The following ZNF483 variants were observed in gnomAD, a reference collection of about 807,000 sequenced individuals.
ZNF483 encodes the protein zinc finger protein 483.
Under a neutral mutation model 28.6 loss-of-function variants are expected in ZNF483, and 9 were observed. The ratio of observed to expected loss-of-function variants is 0.32; its 90% CI spans 0.19 to 0.55. The LOEUF (loss-of-function observed/expected upper bound fraction) is 0.55, where lower values mean the gene tolerates loss of function less well. ZNF483 is among the 20% of genes least tolerant of loss of function. The pLI is 0.93. For synonymous variants in ZNF483, 322 were observed against 306.2 expected (o/e 1.05, Z -0.54); for missense variants, 675 against 871.7 (o/e 0.77, Z 2.84).
chr9:111,552,447 A>G lies in ZNF483; in HGVS notation c.*9277A>G, dbSNP rs1239404310. ...ATGTATCATGCAATAGAATAGAGCA[A>G]TGAGGGAAAAGTTATCCTCTTGCTT... On this transcript the variant is annotated 3_prime_UTR_variant, in exon 6 of 6. Transcript: ENST00000309235. 2.0e-5 allele frequency among the ~76,000 whole-genome samples: 3 copies of G among 152,246 alleles called. No individual in the cohort carries two copies. The highest frequency in any genetic ancestry group is 7.2e-5 in the African/African-American group (3 of 41,474).
chr9:111,561,108 T>TAG (rs1468727296), intron 5 of ZNF483, among the ~76,000 whole-genome samples: 533 of 20,846 alleles, frequency 0.026, 75 homozygotes, highest in East Asian at 0.058. Context: ...TATATATATA[T>TAG]ATAGAGAGAG....
chr9:111,547,667 T>C lies in ZNF483; in HGVS notation c.*4497T>C, dbSNP rs943513432. On this transcript the variant is annotated 3_prime_UTR_variant, in exon 6 of 6. Coordinates refer to ENST00000309235, the MANE Select transcript of ZNF483 (RefSeq NM_133464.5). ...TTTTGGTGAAGTTTAATTTTTCTAT[T>C]TTTTCTTTTGTTTCCTGTGCTTTTC... Among the ~76,000 whole-genome samples the C allele has an allele frequency of 6.6e-6, 1 of 152,178 alleles. No homozygotes were observed. The highest frequency in any genetic ancestry group is 1.5e-5 in the Non-Finnish European group (1 of 68,014).
At position 111,543,356 on chromosome 9, in the gene ZNF483, G is replaced by A; in HGVS notation, c.*186G>A. ...GGCAACGACTGGTAAACAGTAATTA[G>A]TTGGTAAAGTCACTGGAAAGGGAAG... On this transcript the variant is annotated 3_prime_UTR_variant, in exon 6 of 6. Coordinates refer to ENST00000309235, the MANE Select transcript of ZNF483 (RefSeq NM_133464.5). The A allele has an allele frequency of 1.5e-6, 2 of 1,356,150 alleles. No individual in the cohort carries two copies. The highest frequency in any genetic ancestry group is 1.9e-6 in the Non-Finnish European group (2 of 1,058,962). 84.0% of individuals were successfully genotyped at this position (1,356,150 alleles called of 1,614,324 possible). A position where few individuals can be genotyped will look rare whatever the true frequency, so the allele number is the denominator to read the frequency against.
In ZNF483 at chr9:111,547,884, T is replaced by C. The variant is rs1827841736; in HGVS notation, c.*4714T>C. On this transcript the variant is annotated 3_prime_UTR_variant, in exon 6 of 6. Transcript: ENST00000309235. Reference sequence around the variant, plus strand: ...CCAGCCCCATCTGTTGAAGAGACTATCCTTTCCACATCATGTATTCTTTGC... The same window carrying C: ...CCAGCCCCATCTGTTGAAGAGACTACCCTTTCCACATCATGTATTCTTTGC... Among the ~76,000 whole-genome samples, 1 of 152,214 alleles carries C rather than the reference T, an allele frequency of 6.6e-6. No homozygotes were observed. Among genetic ancestry groups the C allele is most frequent in the African/African-American group, 2.4e-5 (1 of 41,466 alleles).
chr9:111,575,019 G>A (rs989965376), intron 5 of ZNF483, among the ~76,000 whole-genome samples: 2 of 152,154 alleles, frequency 1.3e-5, no homozygotes, highest in African/African-American at 2.4e-5. Context: ...AGGCATTTTC[G>A]GCCGGGCACG....
intron 5 of ZNF483, chr9:111,576,275 A>G: frequency 7.4e-7 from 1 of 1,350,826 alleles, no homozygotes; most frequent in Admixed American, 1.8e-5. Flanking sequence ...TTATTAGTGG[A>G]TTTCATATTT....
chr9:111,576,870 C>G (rs1455776696), exon 6 of ZNF483: 1 of 152,868 alleles, frequency 6.5e-6, no homozygotes, highest in African/African-American at 2.4e-5. Context: ...GCAGGTGGAT[C>G]ACCTGAGGTC....
At chr9:111,537,892 G>C (rs1026928047) in intron 5 of ZNF483, among the ~76,000 whole-genome samples, 1 of 152,158 alleles carries the variant, frequency 6.6e-6, no homozygotes, top group African/African-American at 2.4e-5. Context: ...CTCCCAAAGT[G>C]GTGGGATTAT....
intron 2 of ZNF483, among the ~76,000 whole-genome samples, chr9:111,530,269 T>A (rs2132219956): frequency 6.6e-6 from 1 of 152,296 alleles, no homozygotes; most frequent in African/African-American, 2.4e-5. Flanking sequence ...ACGTGGCAGT[T>A]CCTGGAGAGC....
At chr9:111,560,682 G>A (rs963876869) in intron 5 of ZNF483, among the ~76,000 whole-genome samples, 19 of 142,020 alleles carry the variant, frequency 1.3e-4, no homozygotes, top group Non-Finnish European at 2.0e-4. Context: ...GGTGGTTCAC[G>A]CGTGTAATCC....
exon 6 of ZNF483, chr9:111,576,884 A>G (rs1167360241): frequency 6.5e-6 from 1 of 152,748 alleles, no homozygotes; most frequent in Non-Finnish European, 1.5e-5. Context: ...TGAGGTCAGG[A>G]GTTCGAGACC....
Position 111,554,578 on chromosome 9 carries a change from G to A in ZNF483, c.*11408G>A, listed in dbSNP as rs1589284455. On this transcript the variant is annotated 3_prime_UTR_variant, in exon 6 of 6. Transcript: ENST00000309235. ...TGTATGTTCTATGTTTTGTCAGTCTGATAACCCAAGAAGGCTACTAAGTGA... is the reference window on the plus strand; with the variant it reads ...TGTATGTTCTATGTTTTGTCAGTCTAATAACCCAAGAAGGCTACTAAGTGA... 6.6e-6 allele frequency among the ~76,000 whole-genome samples: 1 copy of A among 152,182 alleles called. No individual in the cohort carries two copies. The highest frequency in any genetic ancestry group is 1.9e-4 in the East Asian group (1 of 5,196).
At chr9:111,538,877 C>T (rs547088476) in intron 5 of ZNF483, among the ~76,000 whole-genome samples, 2 of 152,036 alleles carry the variant, frequency 1.3e-5, no homozygotes, top group East Asian at 1.9e-4. Context: ...TTTGGGAAGC[C>T]GAGGCAGGTG....
In ZNF483 at chr9:111,551,414, T is replaced by G. The variant is rs10980936; in HGVS notation, c.*8244T>G. On this transcript the variant is annotated 3_prime_UTR_variant, in exon 6 of 6. Transcript: ENST00000309235. ...ATCCAGTTTTTGTTTTTTTTTTTTT[T>G]TTTTTTTTTTTGAGATGGAGTCTCA... Among the ~76,000 whole-genome samples, 121 of 141,824 alleles carry G rather than the reference T, an allele frequency of 8.5e-4. 4 individuals are homozygous for G. The East Asian group carries it at 0.021, about 25-fold the overall frequency. The allele number at this position is 141,824 out of a possible 152,430, so 93.0% of individuals were successfully genotyped here. A position where few individuals can be genotyped will look rare whatever the true frequency, so the allele number is the denominator to read the frequency against.
At chr9:111,537,907 G>A (rs1327193361) in intron 5 of ZNF483, among the ~76,000 whole-genome samples, 3 of 152,178 alleles carry the variant, frequency 2.0e-5, no homozygotes, top group South Asian at 2.1e-4. Context: ...GATTATGGGG[G>A]TGAGCCAGTG....
intron 2 of ZNF483, chr9:111,528,098 C>A (rs371709946): frequency 1.6e-6 from 2 of 1,280,688 alleles, no homozygotes; most frequent in African/African-American, 1.5e-5. Flanking sequence ...ATAGTAATTT[C>A]TTTCCCATCC....
chr9:111,558,466 C>T (rs1486671130), downstream of ZNF483, among the ~76,000 whole-genome samples: 2 of 152,068 alleles, frequency 1.3e-5, no homozygotes, highest in African/African-American at 4.8e-5. Context: ...TCTCTTTAGC[C>T]TGGGAGTTTG....
At position 111,528,025 on chromosome 9, in the gene ZNF483, T is replaced by C. The variant is rs1827223977; in HGVS notation, c.412+218T>C. ...ATCTGTTAAAAAGGGATTTTATCTT[T>C]CTTGTAGTTTTCTTGTAAAGGTGAG... On this transcript the variant is annotated intron_variant, in intron 2 of 5. Coordinates refer to ENST00000309235, the MANE Select transcript of ZNF483 (RefSeq NM_133464.5). The C allele has an allele frequency of 2.8e-5, 40 of 1,452,154 alleles. No individual in the cohort carries two copies. The South Asian group carries it at 5.5e-4, about 20-fold the overall frequency. 90.0% of individuals were successfully genotyped at this position (1,452,154 alleles called of 1,614,324 possible).
rs75107229 is a variant in ZNF483, at chr9:111,545,771, C to T, written c.*2601C>T. 5.3e-5 allele frequency among the ~76,000 whole-genome samples: 8 copies of T among 152,064 alleles called. No individual in the cohort carries two copies. Among genetic ancestry groups the T allele is most frequent in the Admixed American group, 3.3e-4 (5 of 15,254 alleles). On this transcript the variant is annotated 3_prime_UTR_variant, in exon 6 of 6. Coordinates refer to ENST00000309235, the MANE Select transcript of ZNF483 (RefSeq NM_133464.5). ...ATAATATTACATTATGTGGATGCTT[C>T]GTGCATTCACTAGTTGAAGAACATT...
Sources: gnomAD v4.1 joint callset for allele counts (sites outside exome capture counted in the v4.1 genomes callset) on GRCh38, gnomAD v4.1.1 for gene constraint, MANE v1.5 for transcripts, NCBI Gene and HGNC (gene_info 2026-07-23, HGNC 2026-07-21) for gene names.